The following EYS variants were observed in gnomAD, a reference collection of about 807,000 sequenced individuals.
EYS encodes protein eyes shut homolog.
In EYS, 250 loss-of-function variants were observed where a neutral mutation model predicts 282.1. The ratio of observed to expected loss-of-function variants is 0.89; its 90% CI spans 0.80 to 0.98. The LOEUF (loss-of-function observed/expected upper bound fraction) is 0.98. Ranked by LOEUF, EYS falls within the 50% of genes least tolerant of loss-of-function variation. EYS has a pLI of 0.00. For missense variants in EYS, 4,016 were observed against 3,709.0 expected (o/e 1.08, Z -2.15); for synonymous variants, 1,355 against 1,282.9 (o/e 1.06, Z -1.20).
At chr6:65,354,939 A>C (rs1318853599) in intron 8 of EYS, among the ~76,000 whole-genome samples, 7 of 152,138 alleles carry the variant, frequency 4.6e-5, no homozygotes, top group Non-Finnish European at 1.0e-4. Context: ...TTGTGAGATG[A>C]TCAAAATCTT....
chr6:65,036,806 A>G (rs1351201184), intron 13 of EYS, among the ~76,000 whole-genome samples: 1 of 152,036 alleles, frequency 6.6e-6, no homozygotes, highest in Non-Finnish European at 1.5e-5. Context: ...AAGTAAAAAA[A>G]TAACAGATGT....
At position 64,019,873 on chromosome 6, in the gene EYS, C is replaced by CAT. The variant is rs1562154682; in HGVS notation, c.6726-20692_6726-20691dup. The stretch of plus-strand genomic sequence containing the variant: ...AAGTATATATATATATATATACTTA[C>CAT]ATATATAAGTGTATATAAGTGGACA... On this transcript the variant is annotated intron_variant, in intron 33 of 42. Transcript: ENST00000503581. Among the ~76,000 whole-genome samples the CAT allele has an allele frequency of 4.8e-5, 7 of 146,142 alleles. No individual in the cohort carries two copies. The East Asian group carries it at 5.9e-4, about 12-fold the overall frequency.
intron 35 of EYS, among the ~76,000 whole-genome samples, chr6:63,963,094 C>T (rs1430635789): frequency 3.8e-5 from 5 of 133,050 alleles, no homozygotes; most frequent in Non-Finnish European, 3.1e-5. Flanking sequence ...GAACATCACA[C>T]ACAGGGGCCT....
intron 30 of EYS, among the ~76,000 whole-genome samples, chr6:64,255,881 T>A (rs1477982449): frequency 1.3e-5 from 2 of 152,074 alleles, no homozygotes; most frequent in African/African-American, 4.8e-5. Context: ...TTATGTTTCC[T>A]GACCTCATTT....
chr6:64,593,152 A>T lies in EYS; in HGVS notation c.3842T>A (p.Ile1281Lys), dbSNP rs775798831. The T allele has an allele frequency of 1.3e-6, 2 of 1,543,292 alleles. No individual in the cohort carries two copies. Among genetic ancestry groups the T allele is most frequent in the Non-Finnish European group, 1.7e-6 (2 of 1,143,674 alleles). The change falls in exon 25 of 43, where the codon ATA becomes AAA. Residue 1281 changes from isoleucine (I) to lysine (K), a missense_variant. Coordinates refer to ENST00000503581, the MANE Select transcript of EYS (RefSeq NM_001142800.2). The stretch of plus-strand genomic sequence containing the variant: ...TGGGTAAGTGTCCATTATGGCTGGT[A>T]TTCTAGTAGCCTTTATAGATGGAAA... ...SSFPSIKATR[I>K]PAIMDTYPVD...
chr6:65,026,162 C>A (rs9453155), intron 13 of EYS, among the ~76,000 whole-genome samples: 27,631 of 152,000 alleles, frequency 0.18, 2,763 homozygotes, highest in African/African-American at 0.25. Flanking sequence ...CTTTACATAG[C>A]CTTTCTAATA....
chr6:64,042,256 T>C (rs191261559), intron 33 of EYS, among the ~76,000 whole-genome samples: 188 of 152,364 alleles, frequency 1.2e-3, no homozygotes, highest in African/African-American at 3.5e-3. Context: ...AATTCCATGA[T>C]TATTAAAGTT....
chr6:63,871,814 A>G (rs1345024949), intron 35 of EYS, among the ~76,000 whole-genome samples: 4 of 152,168 alleles, frequency 2.6e-5, no homozygotes, highest in Non-Finnish European at 4.4e-5. Flanking sequence ...CACTTGGGAC[A>G]CTGAAGGAAG....
chr6:65,475,943 G>A (rs1194124901), intron 5 of EYS, among the ~76,000 whole-genome samples: 1 of 151,820 alleles, frequency 6.6e-6, no homozygotes, highest in Non-Finnish European at 1.5e-5. Context: ...CAAAAATGAT[G>A]TTCACTCTGT....
chr6:64,674,258 C>A (rs1769572573), intron 22 of EYS, among the ~76,000 whole-genome samples: 2 of 152,052 alleles, frequency 1.3e-5, no homozygotes, highest in Non-Finnish European at 2.9e-5. Flanking sequence ...CAGAGGGCAG[C>A]TGATACATCA....
intron 31 of EYS, among the ~76,000 whole-genome samples, chr6:64,188,653 C>G (rs2150315350): frequency 6.6e-6 from 1 of 152,226 alleles, no homozygotes; most frequent in Admixed American, 6.5e-5. Flanking sequence ...AATTTTTCTT[C>G]TTGCCCTATC....
chr6:64,575,095 G>T (rs1433502721), intron 26 of EYS, among the ~76,000 whole-genome samples: 1 of 152,110 alleles, frequency 6.6e-6, no homozygotes, highest in Non-Finnish European at 1.5e-5. Context: ...CAGAATAAGA[G>T]TGTGATTGAA....
At chr6:64,158,037 C>T (rs895697006) in intron 31 of EYS, among the ~76,000 whole-genome samples, 1 of 152,174 alleles carries the variant, frequency 6.6e-6, no homozygotes, top group African/African-American at 2.4e-5. Flanking sequence ...GAGGCTGTAC[C>T]CTGGAAAGCC....
chr6:64,481,823 C>T (rs1018589338), intron 26 of EYS, among the ~76,000 whole-genome samples: 2 of 151,624 alleles, frequency 1.3e-5, no homozygotes, highest in African/African-American at 4.8e-5. Flanking sequence ...TTTTAAAATA[C>T]CTACTTTGTG....
At chr6:63,787,479 T>G (rs1442214606) in intron 39 of EYS, 2 of 152,270 alleles carry the variant, frequency 1.3e-5, no homozygotes, top group African/African-American at 2.4e-5. Context: ...TAATCCTGAT[T>G]CCTTTAAATC....
At chr6:64,389,784 A>T (rs1561966010) in intron 28 of EYS, among the ~76,000 whole-genome samples, 1 of 152,196 alleles carries the variant, frequency 6.6e-6, no homozygotes, top group Admixed American at 6.5e-5. Context: ...ATGGCTGAAT[A>T]GGAACAGCTC....
intron 26 of EYS, among the ~76,000 whole-genome samples, chr6:64,485,504 G>A (rs777826842): frequency 3.3e-5 from 5 of 151,604 alleles, no homozygotes; most frequent in Middle Eastern, 6.8e-3. Context: ...ACTATTCATT[G>A]ATCCAAACCA....
At chr6:64,304,213 A>G (rs946982222) in intron 30 of EYS, among the ~76,000 whole-genome samples, 1 of 152,190 alleles carries the variant, frequency 6.6e-6, no homozygotes, top group Non-Finnish European at 1.5e-5. Context: ...TACATCTTTC[A>G]TCTGTCACTG....
At chr6:65,657,925 C>A (rs1424064591) in intron 1 of EYS, among the ~76,000 whole-genome samples, 1 of 151,778 alleles carries the variant, frequency 6.6e-6, no homozygotes, top group East Asian at 1.9e-4. Flanking sequence ...CAGCAAAAGC[C>A]AATATTGAGG....
Sources: allele counts gnomAD v4.1 joint callset (sites outside exome capture counted in the v4.1 genomes callset), GRCh38; gene constraint gnomAD v4.1.1; transcripts MANE v1.5; gene names NCBI Gene and HGNC (gene_info 2026-07-23, HGNC 2026-07-21).